The following TMEM132D variants were observed in gnomAD, a reference collection of about 807,000 sequenced individuals.
TMEM132D encodes the protein transmembrane protein 132D.
TMEM132D carries 21 observed loss-of-function variants against 62.3 expected under a neutral mutation model. The ratio of observed to expected loss-of-function variants is 0.34; its 90% CI spans 0.24 to 0.49. The LOEUF (loss-of-function observed/expected upper bound fraction) is 0.49, where lower values mean the gene tolerates loss of function less well. TMEM132D is among the 20% of genes least tolerant of loss of function. The pLI is 0.99. For synonymous variants in TMEM132D, 621 were observed against 575.6 expected (o/e 1.08, Z -1.13); for missense variants, 1,346 against 1,402.8 (o/e 0.96, Z 0.65).
intron 5 of TMEM132D, among the ~76,000 whole-genome samples, chr12:129,156,153 C>A (rs778336600): frequency 2.2e-4 from 33 of 150,284 alleles, no homozygotes; most frequent in Non-Finnish European, 4.7e-4. Flanking sequence ...AAATAACACA[C>A]TCCCAATATA....
chr12:129,473,704 T>C (rs552595894), intron 3 of TMEM132D, among the ~76,000 whole-genome samples: 9 of 152,334 alleles, frequency 5.9e-5, no homozygotes, highest in African/African-American at 1.7e-4. Flanking sequence ...TGATAAACTA[T>C]AGAATAGTGT....
intron 3 of TMEM132D, among the ~76,000 whole-genome samples, chr12:129,428,662 G>A (rs1466815643): frequency 6.6e-6 from 1 of 152,198 alleles, no homozygotes; most frequent in Non-Finnish European, 1.5e-5. Flanking sequence ...CATGGTAGCT[G>A]ATATAAAACG....
At chr12:129,478,055 G>A (rs765688704) in intron 3 of TMEM132D, among the ~76,000 whole-genome samples, 24 of 152,136 alleles carry the variant, frequency 1.6e-4, no homozygotes, top group Non-Finnish European at 2.4e-4. Context: ...ACACATTACT[G>A]TACTGAATAC....
intron 5 of TMEM132D, among the ~76,000 whole-genome samples, chr12:129,176,558 A>G (rs1877912130): frequency 6.6e-6 from 1 of 151,814 alleles, no homozygotes; most frequent in South Asian, 2.1e-4. Context: ...TAGGGAGGGG[A>G]CTCCTTGCCT....
At chr12:129,554,487 G>A (rs1041272875) in intron 2 of TMEM132D, among the ~76,000 whole-genome samples, 1 of 152,052 alleles carries the variant, frequency 6.6e-6, no homozygotes, top group Non-Finnish European at 1.5e-5. Flanking sequence ...ATTCCTGAGG[G>A]CATCACAGTT....
At chr12:129,750,848 C>CA (rs368108663) in intron 1 of TMEM132D, among the ~76,000 whole-genome samples, 4,711 of 143,604 alleles carry the variant, frequency 0.033, 238 homozygotes, top group African/African-American at 0.11. Context: ...TTTGCCTCAC[C>CA]AAAAAAAAAA....
At chr12:129,557,033 G>T (rs4759967) in intron 2 of TMEM132D, among the ~76,000 whole-genome samples, 28 of 152,362 alleles carry the variant, frequency 1.8e-4, no homozygotes, top group Non-Finnish European at 3.8e-4. Context: ...TTTTAAAAGT[G>T]TTCACTGGAA....
At chr12:129,664,046 T>C (rs989334242) in intron 2 of TMEM132D, among the ~76,000 whole-genome samples, 17 of 152,206 alleles carry the variant, frequency 1.1e-4, no homozygotes, top group Admixed American at 8.5e-4. Context: ...ATGGCGTTTT[T>C]GGTGAAGGAA....
At chr12:129,393,629 C>G (rs141034835) in intron 3 of TMEM132D, among the ~76,000 whole-genome samples, 1 of 152,274 alleles carries the variant, frequency 6.6e-6, no homozygotes, top group African/African-American at 2.4e-5. Context: ...GAACCACTCT[C>G]TTTCACCTCC....
intron 5 of TMEM132D, among the ~76,000 whole-genome samples, chr12:129,179,321 T>TTTTTTTG (rs140780173): frequency 4.0e-5 from 6 of 151,756 alleles, no homozygotes; most frequent in African/African-American, 1.5e-4. Flanking sequence ...AGGTAGCCTT[T>TTTTTTTG]TTTTTTGTTT....
At position 129,903,355 on chromosome 12, in the gene TMEM132D, C is replaced by T; in HGVS notation, c.-16G>A. 2 of 1,551,210 alleles carry T rather than the reference C, an allele frequency of 1.3e-6. No homozygotes were observed. Among genetic ancestry groups the T allele is most frequent in the Non-Finnish European group, 1.7e-6 (2 of 1,146,762 alleles). ...ACGGGCACATCCTGGAGACCCGGAGCGCAGATCCTCCGCTCCCCGGCGCCG... is the reference window on the plus strand; with the variant it reads ...ACGGGCACATCCTGGAGACCCGGAGTGCAGATCCTCCGCTCCCCGGCGCCG... On this transcript the variant is annotated 5_prime_UTR_variant, in exon 1 of 9. Coordinates refer to ENST00000422113, the MANE Select transcript of TMEM132D (RefSeq NM_133448.3). This position sits in a 1 kb window ranked among gnomAD's most constrained non-coding sequence, Gnocchi z 6.2.
chr12:129,785,609 G>A (rs1348920697), intron 1 of TMEM132D, among the ~76,000 whole-genome samples: 1 of 152,178 alleles, frequency 6.6e-6, no homozygotes, highest in Non-Finnish European at 1.5e-5. Context: ...CTTTCTTCAT[G>A]TGGTGTTTGT....
At chr12:129,644,704 A>C (rs568871740) in intron 2 of TMEM132D, among the ~76,000 whole-genome samples, 3 of 151,908 alleles carry the variant, frequency 2.0e-5, no homozygotes, top group East Asian at 3.9e-4. Context: ...CTGGGCCAGG[A>C]GCAGTGGCTC....
At chr12:129,272,268 T>G (rs923340743) in intron 4 of TMEM132D, among the ~76,000 whole-genome samples, 6 of 151,582 alleles carry the variant, frequency 4.0e-5, no homozygotes. Flanking sequence ...TCAATCAGGG[T>G]CTACATTTTA....
intron 1 of TMEM132D, among the ~76,000 whole-genome samples, chr12:129,780,919 G>A (rs1273041837): frequency 1.3e-5 from 2 of 152,188 alleles, no homozygotes; most frequent in Non-Finnish European, 2.9e-5. Context: ...CCATAGTCAG[G>A]AACATTCGTA....
At chr12:129,383,798 C>T (rs182671502) in intron 3 of TMEM132D, among the ~76,000 whole-genome samples, 16 of 152,296 alleles carry the variant, frequency 1.1e-4, no homozygotes, top group Admixed American at 1.0e-3. Context: ...GGTTCTTGCC[C>T]TCACTGGGCG....
At chr12:129,092,720 A>C (rs1021528009) in intron 5 of TMEM132D, among the ~76,000 whole-genome samples, 7 of 152,202 alleles carry the variant, frequency 4.6e-5, no homozygotes, top group Non-Finnish European at 1.0e-4. Context: ...AACATTAATA[A>C]TAGTGGTAAC....
At chr12:129,221,965 T>C (rs2135573911) in intron 4 of TMEM132D, among the ~76,000 whole-genome samples, 1 of 152,344 alleles carries the variant, frequency 6.6e-6, no homozygotes, top group African/African-American at 2.4e-5. Context: ...GTGCTTCTTT[T>C]GACAAGTGCA....
In TMEM132D at chr12:129,734,493, T is replaced by C. The variant is rs527701428; in HGVS notation, c.80-33795A>G. Among the ~76,000 whole-genome samples the C allele has an allele frequency of 1.2e-3, 189 of 152,352 alleles. 1 individual carries two copies. The highest frequency in any genetic ancestry group is 4.4e-3 in the African/African-American group (182 of 41,590). On this transcript the variant is annotated intron_variant, in intron 1 of 8. Coordinates refer to ENST00000422113, the MANE Select transcript of TMEM132D (RefSeq NM_133448.3). ...CATTGTGGAATTAGCCAGAGTTCCATGTGTATTCCTTCTATTACTATAGAA... is the reference window on the plus strand; with the variant it reads ...CATTGTGGAATTAGCCAGAGTTCCACGTGTATTCCTTCTATTACTATAGAA...
Sources: gnomAD v4.1 joint callset for allele counts (sites outside exome capture counted in the v4.1 genomes callset) on GRCh38, gnomAD v4.1.1 for gene constraint, Gnocchi (gnomAD v3.1) non-coding constraint, MANE v1.5 for transcripts, NCBI Gene and HGNC (gene_info 2026-07-23, HGNC 2026-07-21) for gene names.